The following VRK2 variants were observed in gnomAD, a reference collection of about 807,000 sequenced individuals.
VRK2 encodes VRK serine/threonine kinase 2.
In VRK2, 60 loss-of-function variants were observed where a neutral mutation model predicts 57.6. That is an observed-to-expected ratio of 1.04 (90% CI 0.85 to 1.29). The LOEUF (loss-of-function observed/expected upper bound fraction) is 1.29, where lower values mean the gene tolerates loss of function less well. Ranked by LOEUF, VRK2 falls within the 50% of genes most tolerant of loss-of-function variation. VRK2 has a pLI of 0.00. For missense variants in VRK2, 705 were observed against 588.1 expected (o/e 1.20, Z -2.06); for synonymous variants, 231 against 199.2 (o/e 1.16, Z -1.35).
At chr2:58,134,945 A>C (rs573018124) in intron 9 of VRK2, among the ~76,000 whole-genome samples, 196 bp from the exon 10 acceptor site, 2 of 152,208 alleles carry the variant, frequency 1.3e-5, no homozygotes, top group South Asian at 4.2e-4. Flanking sequence ...TATTGATATA[A>C]AATTAGTTTG....
intron 1 of VRK2, among the ~76,000 whole-genome samples, chr2:58,013,429 A>T (rs73942277): frequency 0.024 from 3,692 of 152,346 alleles, 143 homozygotes; most frequent in African/African-American, 0.084. Context: ...AAATAAGTCA[A>T]AATGCTCTAT....
chr2:57,910,691 C>T (rs1319124328), intron 1 of VRK2, among the ~76,000 whole-genome samples: 2 of 152,034 alleles, frequency 1.3e-5, no homozygotes, highest in Non-Finnish European at 2.9e-5. Context: ...GTTACCCAAC[C>T]CAACACATAA....
At chr2:58,105,575 G>A (rs551718084) in intron 7 of VRK2, among the ~76,000 whole-genome samples, 2 of 151,448 alleles carry the variant, frequency 1.3e-5, no homozygotes, top group East Asian at 1.9e-4. Context: ...ATGCATACAT[G>A]ACCAAAGAGC....
chr2:58,000,703 T>C (rs1287541912), intron 1 of VRK2, among the ~76,000 whole-genome samples: 1 of 152,228 alleles, frequency 6.6e-6, no homozygotes, highest in Non-Finnish European at 1.5e-5. Context: ...GTTGCCCCAA[T>C]AATGACAAAA....
chr2:58,136,805 G>GTA (rs1456800193), intron 10 of VRK2, among the ~76,000 whole-genome samples: 1 of 138,246 alleles, frequency 7.2e-6, no homozygotes, highest in Non-Finnish European at 1.5e-5. Flanking sequence ...ATATATATGT[G>GTA]TATATATATC....
intron 2 of VRK2, among the ~76,000 whole-genome samples, chr2:58,064,956 TTC>T (rs1668418545): frequency 6.6e-6 from 1 of 152,114 alleles, no homozygotes; most frequent in African/African-American, 2.4e-5. Context: ...ATCACTTACC[TTC>T]TTTCTCATTT....
chr2:58,010,570 G>A (rs148252518), intron 1 of VRK2, among the ~76,000 whole-genome samples: 3 of 152,232 alleles, frequency 2.0e-5, no homozygotes, highest in Non-Finnish European at 4.4e-5. Flanking sequence ...GAAAAACCGT[G>A]ACTCTTTTGG....
intron 1 of VRK2, among the ~76,000 whole-genome samples, chr2:57,949,176 A>G (rs1045805670): frequency 1.3e-5 from 2 of 152,196 alleles, no homozygotes; most frequent in African/African-American, 4.8e-5. Flanking sequence ...GAAAAATTGT[A>G]GCGTCAAGAA....
At chr2:58,140,084 C>T (rs907535294) in intron 11 of VRK2, among the ~76,000 whole-genome samples, 5 of 152,010 alleles carry the variant, frequency 3.3e-5, no homozygotes. Flanking sequence ...AGAGATGTGA[C>T]TAGGGTAAAG....
chr2:57,986,851 G>A (rs1672610759), intron 1 of VRK2, among the ~76,000 whole-genome samples: 2 of 152,028 alleles, frequency 1.3e-5, no homozygotes, highest in African/African-American at 4.8e-5. Context: ...TGCCTGCCTT[G>A]GCCTCCCAAA....
intron 1 of VRK2, among the ~76,000 whole-genome samples, chr2:57,952,961 C>T (rs1027489186): frequency 6.6e-6 from 1 of 152,082 alleles, no homozygotes; most frequent in African/African-American, 2.4e-5. Flanking sequence ...CTGAGCTTCT[C>T]GTCAGATGTC....
intron 1 of VRK2, among the ~76,000 whole-genome samples, chr2:58,012,269 T>C (rs1434653456): frequency 6.6e-6 from 1 of 152,160 alleles, no homozygotes; most frequent in Non-Finnish European, 1.5e-5. Context: ...GGAGTAGCCA[T>C]TCTTTTATTC....
chr2:58,042,492 G>C (rs1044785489), upstream of VRK2, among the ~76,000 whole-genome samples: 3 of 152,278 alleles, frequency 2.0e-5, no homozygotes, highest in South Asian at 6.2e-4. Flanking sequence ...TCACTGATAT[G>C]ATCTCCTTAT....
chr2:58,135,031 G>A (rs566088630), intron 9 of VRK2, 110 bp from the exon 10 acceptor site: 3 of 1,101,042 alleles, frequency 2.7e-6, no homozygotes, highest in Non-Finnish European at 4.0e-6. Flanking sequence ...AAAAAGCATT[G>A]AAAGTCACAA....
intron 6 of VRK2, among the ~76,000 whole-genome samples, chr2:58,089,063 T>A (rs966998155): frequency 1.3e-5 from 2 of 152,206 alleles, no homozygotes; most frequent in African/African-American, 2.4e-5. Context: ...TGCATTAATT[T>A]TCTCATTTAT....
At chr2:57,908,823 AC>A (rs1669904102) in intron 1 of VRK2, among the ~76,000 whole-genome samples, 1 of 152,170 alleles carries the variant, frequency 6.6e-6, no homozygotes, top group Admixed American at 6.5e-5. Flanking sequence ...AAACGAGTAG[AC>A]CTCATTAGTG....
intron 1 of VRK2, among the ~76,000 whole-genome samples, chr2:57,943,446 T>C (rs1490382748): frequency 6.6e-6 from 1 of 152,212 alleles, no homozygotes; most frequent in East Asian, 1.9e-4. Context: ...AATGTCTTGC[T>C]TCTCTCTTGA....
chr2:58,030,072 C>A (rs1330086897), intron 2 of VRK2, among the ~76,000 whole-genome samples: 1 of 152,056 alleles, frequency 6.6e-6, no homozygotes, highest in Non-Finnish European at 1.5e-5. Flanking sequence ...TGATGCCTGT[C>A]CTTATCCTCA....
intron 3 of VRK2, 97 bp from the exon 4 acceptor site, chr2:58,084,784 T>C: frequency 2.5e-6 from 2 of 798,188 alleles, no homozygotes; most frequent in Non-Finnish European, 3.9e-6. Flanking sequence ...TACTATTATA[T>C]ACTACATATA....
Sources: allele counts gnomAD v4.1 joint callset (sites outside exome capture counted in the v4.1 genomes callset), GRCh38; gene constraint gnomAD v4.1.1; transcripts MANE v1.5; gene names NCBI Gene and HGNC (gene_info 2026-07-23, HGNC 2026-07-21).